Variants in CCDC91 observed in about 807,000 individuals in gnomAD.
The protein encoded by CCDC91 is coiled-coil domain containing 91, also known as coiled-coil domain-containing protein 91.
A neutral mutation model predicts 63.2 loss-of-function variants in CCDC91; 48 were observed. The ratio of observed to expected loss-of-function variants is 0.76; its 90% CI spans 0.60 to 0.97. The LOEUF is 0.97. CCDC91 is among the 50% of genes least tolerant of loss of function. The pLI is 0.00. For missense variants in CCDC91, 500 were observed against 494.6 expected (o/e 1.01, Z -0.10); for synonymous variants, 167 against 165.8 (o/e 1.01, Z -0.06).
At chr12:28,357,515 G>T (rs1262477084) in intron 6 of CCDC91, among the ~76,000 whole-genome samples, 2 of 152,122 alleles carry the variant, frequency 1.3e-5, no homozygotes, top group Non-Finnish European at 2.9e-5. Flanking sequence ...AATATGATAT[G>T]TGATTCTGTG....
intron 8 of CCDC91, among the ~76,000 whole-genome samples, chr12:28,442,904 G>C (rs1249239759): frequency 6.6e-6 from 1 of 151,904 alleles, no homozygotes; most frequent in Non-Finnish European, 1.5e-5. Context: ...CTCAGATTTT[G>C]GTATCAGTTC....
chr12:28,267,877 A>AT (rs1947405417), intron 3 of CCDC91, among the ~76,000 whole-genome samples: 1 of 78,078 alleles, frequency 1.3e-5, no homozygotes. Flanking sequence ...ATATAATTAT[A>AT]TATAATTATT....
intron 12 of CCDC91, among the ~76,000 whole-genome samples, chr12:28,536,272 AC>A (rs1423784653): frequency 6.6e-6 from 1 of 152,190 alleles, no homozygotes; most frequent in Non-Finnish European, 1.5e-5. Flanking sequence ...CACAGTTATG[AC>A]ATTAACTTAC....
rs188218349 is a variant in CCDC91 at position 28,477,999 on chromosome 12, A to G, written c.1102-6053A>G. ...ATGGAACAACATTCCATGCTCATGG[A>G]TAGGAATAATCAATATCGTGAAAAT... On this transcript the variant is annotated intron_variant, in intron 11 of 12. Transcript: ENST00000536442. Among the ~76,000 whole-genome samples the G allele has an allele frequency of 1.5e-3, 224 of 152,284 alleles. 1 individual carries two copies. The highest frequency in any genetic ancestry group is 5.1e-3 in the African/African-American group (211 of 41,566).
At chr12:28,532,856 T>A (rs1298398324) in intron 12 of CCDC91, among the ~76,000 whole-genome samples, 2 of 152,144 alleles carry the variant, frequency 1.3e-5, no homozygotes, top group Non-Finnish European at 2.9e-5. Context: ...TAGTTTTCTC[T>A]ATTTCATATG....
chr12:28,449,007 T>C (rs1189766678), intron 8 of CCDC91, among the ~76,000 whole-genome samples: 1 of 152,106 alleles, frequency 6.6e-6, no homozygotes, highest in Non-Finnish European at 1.5e-5. Flanking sequence ...CTGCCTTACA[T>C]AATTTCATAT....
intron 8 of CCDC91, among the ~76,000 whole-genome samples, chr12:28,442,582 G>A (rs1353194268): frequency 2.0e-5 from 3 of 152,014 alleles, no homozygotes; most frequent in African/African-American, 7.2e-5. Context: ...CACATACCAA[G>A]AACAAAAATA....
chr12:28,517,041 A>T (rs1373575687), intron 12 of CCDC91, among the ~76,000 whole-genome samples: 1 of 151,964 alleles, frequency 6.6e-6, no homozygotes, highest in Non-Finnish European at 1.5e-5. Flanking sequence ...CTATACATTC[A>T]GTAATTTTAT....
chr12:28,477,713 C>A (rs772756816), intron 11 of CCDC91, among the ~76,000 whole-genome samples: 1 of 152,070 alleles, frequency 6.6e-6, no homozygotes, highest in Non-Finnish European at 1.5e-5. Flanking sequence ...TCTAAAAAAC[C>A]GCATCGTCTT....
intron 1 of CCDC91, among the ~76,000 whole-genome samples, chr12:28,223,004 T>A (rs1944046606): frequency 6.6e-6 from 1 of 152,234 alleles, no homozygotes; most frequent in African/African-American, 2.4e-5. Flanking sequence ...AAATTATATG[T>A]GTTCTTTAAG....
intron 1 of CCDC91, among the ~76,000 whole-genome samples, chr12:28,193,153 T>A (rs1003729805): frequency 4.6e-5 from 7 of 152,238 alleles, no homozygotes; most frequent in Admixed American, 2.6e-4. Context: ...GATGAACAAT[T>A]TTTGGCATTT....
In CCDC91 at chr12:28,450,204, TAAAAG is replaced by T. The variant is rs1412845466; in HGVS notation, c.811_815del (p.Glu271AsnfsTer28). The T allele has an allele frequency of 6.2e-7, 1 of 1,610,354 alleles. No homozygotes were observed. The highest frequency in any genetic ancestry group is 8.5e-7 in the Non-Finnish European group (1 of 1,177,854). ...ATGCTAGATACAGAGAAGGAACTGT[TAAAAG>T]AAAAAATAAAGGAAGCTTTGATTCA... On this transcript the variant is annotated frameshift_variant, in exon 9 of 13. Coordinates refer to ENST00000536442, the MANE Select transcript of CCDC91 (RefSeq NM_018318.5). LOFTEE classifies it high-confidence loss of function.
intron 8 of CCDC91, among the ~76,000 whole-genome samples, chr12:28,440,671 T>C (rs1164183637): frequency 1.3e-5 from 2 of 152,078 alleles, no homozygotes; most frequent in Admixed American, 6.6e-5. Flanking sequence ...AAAACATTCA[T>C]GAAACATATA....
chr12:28,535,442 G>C (rs1942076140), intron 12 of CCDC91, among the ~76,000 whole-genome samples: 1 of 152,178 alleles, frequency 6.6e-6, no homozygotes, highest in Non-Finnish European at 1.5e-5. Context: ...AGAAGACAAA[G>C]AGTTTCAGTG....
chr12:28,221,169 C>T (rs906101908), intron 1 of CCDC91, among the ~76,000 whole-genome samples: 3 of 152,052 alleles, frequency 2.0e-5, no homozygotes, highest in Non-Finnish European at 4.4e-5. Context: ...TGATCTTCCA[C>T]AGTGTTTAAT....
intron 12 of CCDC91, among the ~76,000 whole-genome samples, chr12:28,509,204 A>T (rs1257337328): frequency 1.3e-5 from 2 of 151,918 alleles, no homozygotes; most frequent in East Asian, 3.9e-4. Context: ...TCTCTCCATT[A>T]TGCAAACACA....
chr12:28,503,741 AATACT>A lies in CCDC91; in HGVS notation c.1215+19579_1215+19583del, dbSNP rs1938296362. Among the ~76,000 whole-genome samples, 3 of 152,308 alleles carry A rather than the reference AATACT, an allele frequency of 2.0e-5. No homozygotes were observed. The South Asian group carries it at 6.2e-4, about 32-fold the overall frequency. On this transcript the variant is annotated intron_variant, in intron 12 of 12. Transcript: ENST00000536442. ...AAAATGTGGCACATATACACCATGG[AATACT>A]ATGCAGCCATAAAAAATGATGAGTT...
intron 3 of CCDC91, among the ~76,000 whole-genome samples, chr12:28,283,435 G>A (rs1948726987): frequency 6.7e-6 from 1 of 150,298 alleles, no homozygotes; most frequent in Non-Finnish European, 1.5e-5. Context: ...CCTTGGTTAA[G>A]TATATTCTTA....
At chr12:28,309,788 T>C (rs1277730559) in intron 6 of CCDC91, among the ~76,000 whole-genome samples, 1 of 152,072 alleles carries the variant, frequency 6.6e-6, no homozygotes, top group African/African-American at 2.4e-5. Context: ...AACTCTAGCT[T>C]CCTTCTGATA....
Sources: allele counts gnomAD v4.1 joint callset (sites outside exome capture counted in the v4.1 genomes callset), GRCh38; gene constraint gnomAD v4.1.1; transcripts MANE v1.5; gene names NCBI Gene and HGNC (gene_info 2026-07-23, HGNC 2026-07-21).